Variants in SRGAP1 observed in about 807,000 individuals in gnomAD.
The protein encoded by SRGAP1 is SLIT-ROBO Rho GTPase-activating protein 1.
A neutral mutation model predicts 121.9 loss-of-function variants in SRGAP1; 43 were observed. The observed-to-expected ratio is 0.35, with a 90% CI of 0.28 to 0.46. The LOEUF is 0.46. Ranked by LOEUF, SRGAP1 falls within the 20% of genes least tolerant of loss-of-function variation. The pLI, the probability that SRGAP1 is intolerant of heterozygous loss-of-function variation, is 1.00. For synonymous variants in SRGAP1, 447 were observed against 485.4 expected, an observed-to-expected ratio of 0.92 and a Z score of 1.04; for missense variants, 1,102 against 1,350.9, an observed-to-expected ratio of 0.82 and a Z score of 2.89.
intron 1 of SRGAP1, among the ~76,000 whole-genome samples, chr12:63,980,674 A>G (rs1028304698): frequency 3.3e-5 from 5 of 151,708 alleles, no homozygotes; most frequent in Admixed American, 6.6e-5. Context: ...GCTCACTGCA[A>G]CCTGCATCTG....
At position 64,118,167 on chromosome 12, in the gene SRGAP1, G is replaced by A. The variant is rs76942170; in HGVS notation, c.2224+2274G>A. On this transcript the variant is annotated intron_variant, in intron 18 of 21. Transcript: ENST00000355086. ...ATTTTTAAGTTTTTGAGGAATCTCT[G>A]TGCTGTTTTCTGAAGCAGATGTGCC... is the stretch of plus-strand genomic sequence containing the variant. Among the ~76,000 whole-genome samples, 474 of 152,290 alleles carry A rather than the reference G, an allele frequency of 3.1e-3. 6 individuals carry two copies. The highest frequency in any genetic ancestry group is 5.0e-3 in the Non-Finnish European group (343 of 68,030).
intron 1 of SRGAP1, among the ~76,000 whole-genome samples, chr12:63,873,627 A>G (rs182741040): frequency 1.3e-4 from 19 of 151,970 alleles, no homozygotes; most frequent in Admixed American, 9.8e-4. Context: ...TATGTTATAT[A>G]AGCCTTGGCT....
intron 1 of SRGAP1, among the ~76,000 whole-genome samples, chr12:63,957,732 G>A (rs528016502): frequency 7.2e-5 from 11 of 152,258 alleles, no homozygotes; most frequent in East Asian, 5.8e-4. Context: ...TGCAGTACCC[G>A]TCTGCTTGTC....
At chr12:63,990,273 C>A (rs534943009) in intron 3 of SRGAP1, among the ~76,000 whole-genome samples, 1 of 152,346 alleles carries the variant, frequency 6.6e-6, no homozygotes, top group African/African-American at 2.4e-5. Context: ...GTAGCTCATG[C>A]CTGTAATCCC....
rs747887224 is a variant in SRGAP1 at position 63,984,908 on chromosome 12, C to T, written c.263+766C>T. On this transcript the variant is annotated intron_variant, in intron 2 of 21. Coordinates refer to ENST00000355086, the MANE Select transcript of SRGAP1 (RefSeq NM_020762.4). ...GCATGCACCTGTAATGCCAGCCACT[C>T]GGGAGGCTGAGGCAGGAGAATAGCT... Among the ~76,000 whole-genome samples, 65 of 150,470 alleles carry T rather than the reference C, an allele frequency of 4.3e-4. 1 individual carries two copies. The highest frequency in any genetic ancestry group is 3.4e-3 in the Middle Eastern group (1 of 292).
At chr12:64,079,243 A>G (rs950328004) in intron 9 of SRGAP1, 127 bp downstream of exon 9, 10 of 980,764 alleles carry the variant, frequency 1.0e-5, no homozygotes, top group Non-Finnish European at 1.5e-5. Flanking sequence ...CTACCATCAG[A>G]GTTCCTGATT....
chr12:64,094,879 G>T (rs1169102123), intron 12 of SRGAP1, 53 bp from the exon 13 acceptor site: 1 of 1,475,430 alleles, frequency 6.8e-7, no homozygotes, highest in African/African-American at 1.4e-5. Flanking sequence ...TTATTATTAT[G>T]AGGCATTTAT....
chr12:64,017,521 G>A (rs185748143), intron 4 of SRGAP1, among the ~76,000 whole-genome samples: 90 of 152,134 alleles, frequency 5.9e-4, no homozygotes, highest in African/African-American at 1.9e-3. Flanking sequence ...TGGGCATGGT[G>A]GGATGCGCCT....
At chr12:63,967,099 G>A (rs541503703) in intron 1 of SRGAP1, among the ~76,000 whole-genome samples, 60 of 152,280 alleles carry the variant, frequency 3.9e-4, no homozygotes, top group Non-Finnish European at 6.8e-4. Flanking sequence ...TCTGTGAGCC[G>A]TTTGGGAGGA....
intron 1 of SRGAP1, among the ~76,000 whole-genome samples, chr12:63,878,607 C>T (rs1214174506): frequency 6.6e-6 from 1 of 152,140 alleles, no homozygotes; most frequent in African/African-American, 2.4e-5. Flanking sequence ...TTTTTCTAGT[C>T]AATTTGACTA....
At chr12:63,920,286 C>A (rs1048444076) in intron 1 of SRGAP1, among the ~76,000 whole-genome samples, 3 of 152,158 alleles carry the variant, frequency 2.0e-5, no homozygotes, top group Non-Finnish European at 2.9e-5. Flanking sequence ...GAGCAGAAAC[C>A]TGAATGAAGT....
At chr12:64,057,288 C>T (rs777436680) in intron 6 of SRGAP1, among the ~76,000 whole-genome samples, 5 of 152,088 alleles carry the variant, frequency 3.3e-5, no homozygotes, top group Non-Finnish European at 5.9e-5. Context: ...CTTAAAACAA[C>T]AAGAAGAGTT....
chr12:63,892,294 G>A (rs1900613208), intron 1 of SRGAP1, among the ~76,000 whole-genome samples: 1 of 151,788 alleles, frequency 6.6e-6, no homozygotes, highest in Non-Finnish European at 1.5e-5. Flanking sequence ...TCTCAAATAG[G>A]GCTAATGAAA....
intron 1 of SRGAP1, among the ~76,000 whole-genome samples, chr12:63,976,899 T>C (rs1054221936): frequency 1.3e-5 from 2 of 152,132 alleles, no homozygotes; most frequent in Non-Finnish European, 2.9e-5. Context: ...AGAATTCAAT[T>C]TGGTAAATTG....
intron 1 of SRGAP1, among the ~76,000 whole-genome samples, chr12:63,907,733 A>G (rs1391966756): frequency 4.1e-5 from 1 of 24,322 alleles, no homozygotes; most frequent in Non-Finnish European, 8.4e-5. Flanking sequence ...AACTTTCATA[A>G]AGTTCAACTT....
intron 18 of SRGAP1, among the ~76,000 whole-genome samples, chr12:64,117,620 T>A (rs1266454898): frequency 6.6e-6 from 1 of 152,216 alleles, no homozygotes; most frequent in African/African-American, 2.4e-5. Flanking sequence ...TCTCTTATTT[T>A]ATTTTATTTT....
intron 1 of SRGAP1, among the ~76,000 whole-genome samples, chr12:63,894,272 A>C (rs1253562445): frequency 6.6e-6 from 1 of 152,116 alleles, no homozygotes; most frequent in Non-Finnish European, 1.5e-5. Flanking sequence ...CACTTCAGTA[A>C]GACCGTTTCA....
At position 64,062,434 on chromosome 12, in the gene SRGAP1, A is replaced by G. The variant is rs1052188827; in HGVS notation, c.802-483A>G. 4.4e-4 allele frequency among the ~76,000 whole-genome samples: 67 copies of G among 152,202 alleles called. 1 individual carries two copies. Among genetic ancestry groups the G allele is most frequent in the Non-Finnish European group, 2.2e-4 (15 of 68,048 alleles). ...TAAGAGTTCTTTATATATTCTAGAT[A>G]TAAGTACCTAATAAGATACGTGATT... On this transcript the variant is annotated intron_variant, in intron 6 of 21. Coordinates refer to ENST00000355086, the MANE Select transcript of SRGAP1 (RefSeq NM_020762.4).
chr12:63,882,529 C>T (rs537663488), intron 1 of SRGAP1, among the ~76,000 whole-genome samples: 13 of 152,286 alleles, frequency 8.5e-5, no homozygotes, highest in African/African-American at 2.9e-4. Flanking sequence ...GGTTATCCAC[C>T]CGCCTCGGCC....
Sources: allele counts gnomAD v4.1 joint callset (sites outside exome capture counted in the v4.1 genomes callset), GRCh38; gene constraint gnomAD v4.1.1; transcripts MANE v1.5; gene names NCBI Gene and HGNC (gene_info 2026-07-23, HGNC 2026-07-21).